The following TRIT1 variants were observed in gnomAD, a reference collection of about 807,000 sequenced individuals.
TRIT1 encodes the protein tRNA dimethylallyltransferase.
In TRIT1, 43 loss-of-function variants were observed where a neutral mutation model predicts 51.2. The observed-to-expected ratio is 0.84, with a 90% CI of 0.66 to 1.08. The LOEUF (loss-of-function observed/expected upper bound fraction) is 1.08, where lower values mean the gene tolerates loss of function less well. Among genes scored for constraint, TRIT1 ranks in the 50% least tolerant of loss-of-function variants. The pLI, the probability that TRIT1 is intolerant of heterozygous loss-of-function variation, is 0.00. For missense variants in TRIT1, 528 were observed against 578.4 expected (o/e 0.91, Z 0.89); for synonymous variants, 184 against 203.9 (o/e 0.90, Z 0.83).
intron 1 of TRIT1, among the ~76,000 whole-genome samples, chr1:39,865,906 AGAAAG>A (rs1643517813): frequency 6.6e-6 from 1 of 151,196 alleles, no homozygotes. Context: ...GAAAAGAAAA[AGAAAG>A]GAAGGAAGGG....
rs1341396039 is a variant in TRIT1 at position 39,841,055 on chromosome 1, G to A, written c.*689C>T. The stretch of plus-strand genomic sequence containing the variant: ...CTTTTTAAGGATCAAAGAGGCTCTT[G>A]TAAATTTTTTCTTTATTTAAACTTC... On this transcript the variant is annotated 3_prime_UTR_variant, in exon 11 of 11. Coordinates refer to ENST00000316891, the MANE Select transcript of TRIT1 (RefSeq NM_017646.6). 1 of 152,182 alleles carries A rather than the reference G, an allele frequency of 6.6e-6. No individual in the cohort carries two copies. The highest frequency in any genetic ancestry group is 1.5e-5 in the Non-Finnish European group (1 of 68,022). The allele number at this position is 152,182 out of a possible 1,614,324, so 9.4% of individuals were successfully genotyped here. A position where few individuals can be genotyped will look rare whatever the true frequency, so the allele number is the denominator to read the frequency against.
At position 39,862,832 on chromosome 1, in the gene TRIT1, C is replaced by A. The variant is rs543926497; in HGVS notation, c.175-5415G>T. On this transcript the variant is annotated intron_variant, in intron 1 of 10. Coordinates refer to ENST00000316891, the MANE Select transcript of TRIT1 (RefSeq NM_017646.6). ...TACAGTTTCAGCATCACTCTACCTA[C>A]AATCAGCCTGAATGCTGGGAAGAGC... is the stretch of plus-strand genomic sequence containing the variant. 4.5e-5 allele frequency: 44 copies of A among 985,434 alleles called. No individual in the cohort carries two copies. In the East Asian group the frequency reaches 3.5e-3, roughly 79 times the overall value. 61.0% of individuals were successfully genotyped at this position (985,434 alleles called of 1,614,324 possible).
At position 39,857,327 on chromosome 1, in the gene TRIT1, G is replaced by A. The variant is rs1393585931; in HGVS notation, c.265C>T (p.Leu89Phe). The A allele has an allele frequency of 2.5e-6, 4 of 1,613,916 alleles. No homozygotes were observed. The African/African-American group carries it at 5.3e-5, about 22-fold the overall frequency. ...TCCACCACTGTGTAATTGGTCACAAGAGGATCCACAAAGCTGATCATGTGG... is the reference window on the plus strand; with the variant it reads ...TCCACCACTGTGTAATTGGTCACAAAAGGATCCACAAAGCTGATCATGTGG... Reference protein sequence around the residue: ...RHHMISFVDPLVTNYTVVDFR... With the variant: ...RHHMISFVDPFVTNYTVVDFR... Residue 89 changes from leucine to phenylalanine, a missense_variant, in exon 2 of 11, where the codon CTT becomes TTT. Coordinates refer to ENST00000316891, the MANE Select transcript of TRIT1 (RefSeq NM_017646.6).
intron 8 of TRIT1, chr1:39,846,948 A>C (rs1185921462): frequency 3.1e-6 from 1 of 321,438 alleles, no homozygotes; most frequent in Non-Finnish European, 5.6e-6. Flanking sequence ...AACTCTCCAA[A>C]AAAGATGCTG....
intron 1 of TRIT1, among the ~76,000 whole-genome samples, chr1:39,870,458 A>G (rs1017377967): frequency 3.4e-5 from 5 of 148,198 alleles, no homozygotes; most frequent in African/African-American, 1.3e-4. Flanking sequence ...CTATTGTCCT[A>G]TGACCCTGCC....
chr1:39,874,659 C>G (rs1456032480), intron 1 of TRIT1, among the ~76,000 whole-genome samples: 4 of 151,632 alleles, frequency 2.6e-5, no homozygotes, highest in Non-Finnish European at 5.9e-5. Context: ...AAGCATGTCT[C>G]ATTTTTCTTT....
At chr1:39,862,531 G>T (rs1343899184) in intron 1 of TRIT1, among the ~76,000 whole-genome samples, 1 of 152,112 alleles carries the variant, frequency 6.6e-6, no homozygotes, top group Non-Finnish European at 1.5e-5. Context: ...TTAATTATGT[G>T]TTTTTATGGG....
intron 5 of TRIT1, among the ~76,000 whole-genome samples, 160 bp from the exon 6 acceptor site, chr1:39,848,257 C>A (rs948430265): frequency 1.3e-5 from 2 of 152,114 alleles, no homozygotes; most frequent in African/African-American, 4.8e-5. Flanking sequence ...ACGTTACTCA[C>A]ATTTAAGACT....
rs550596161 is a variant in TRIT1, at chr1:39,858,277, T to C, written c.175-860A>G. Among the ~76,000 whole-genome samples the C allele has an allele frequency of 9.8e-5, 15 of 152,312 alleles. No individual in the cohort carries two copies. In the South Asian group the frequency reaches 1.7e-3, roughly 17 times the overall value. On this transcript the variant is annotated intron_variant, in intron 1 of 10. Transcript: ENST00000316891. ...TTTTTATCTCACGTTTCCCTTTACT[T>C]ACACGGGTGTCAAATAAGTACAGTA...
chr1:39,854,894 T>G (rs1389263624), intron 2 of TRIT1, among the ~76,000 whole-genome samples: 1 of 151,536 alleles, frequency 6.6e-6, no homozygotes, highest in Non-Finnish European at 1.5e-5. Context: ...AAGACTGGAG[T>G]GTAGTGGCGC....
chr1:39,871,652 C>A (rs1314537551), intron 1 of TRIT1, among the ~76,000 whole-genome samples: 2 of 152,102 alleles, frequency 1.3e-5, no homozygotes, highest in Non-Finnish European at 2.9e-5. Flanking sequence ...TCAAAGGCTA[C>A]ATATTGTATG....
Position 39,844,098 on chromosome 1 carries a change from T to G in TRIT1, c.1234+3A>C, listed in dbSNP as rs369328584. ...TTTCTTCATGCCCCTCCCCATACTC[T>G]ACCTGCCCATTCGCGATCCCCAATG... On this transcript the variant is annotated splice_donor_region_variant and intron_variant, in intron 10 of 10. Transcript: ENST00000316891. 5.6e-6 allele frequency: 9 copies of G among 1,610,214 alleles called. No homozygotes were observed. The highest frequency in any genetic ancestry group is 7.6e-6 in the Non-Finnish European group (9 of 1,176,570).
intron 1 of TRIT1, among the ~76,000 whole-genome samples, chr1:39,864,579 CAG>C (rs1342080677): frequency 1.5e-5 from 2 of 132,930 alleles, no homozygotes; most frequent in African/African-American, 2.9e-5. Context: ...ACTGCACTGA[CAG>C]AGCGAGACTC....
chr1:39,883,278 C>T, intron 1 of TRIT1, 40 bp downstream of exon 1: 1 of 1,575,064 alleles, frequency 6.3e-7, no homozygotes, highest in Non-Finnish European at 8.6e-7. Flanking sequence ...CACGCGGCCT[C>T]CGGGGTCCCC....
chr1:39,858,282 G>A (rs1463199801), intron 1 of TRIT1, among the ~76,000 whole-genome samples: 6 of 152,104 alleles, frequency 3.9e-5, no homozygotes, highest in East Asian at 1.9e-4. Context: ...TTACTTACAC[G>A]GGTGTCAAAT....
At chr1:39,842,749 T>C (rs964528222) in intron 10 of TRIT1, among the ~76,000 whole-genome samples, 4 of 152,234 alleles carry the variant, frequency 2.6e-5, no homozygotes, top group Non-Finnish European at 5.9e-5. Flanking sequence ...AATTCTCTTT[T>C]ATACATATTA....
At chr1:39,870,129 A>T (rs907316498) in intron 1 of TRIT1, among the ~76,000 whole-genome samples, 3 of 152,218 alleles carry the variant, frequency 2.0e-5, no homozygotes, top group Non-Finnish European at 4.4e-5. Context: ...GTGTAGAAAG[A>T]AGTAGACATG....
intron 1 of TRIT1, among the ~76,000 whole-genome samples, chr1:39,859,527 G>A (rs1412008068): frequency 2.7e-5 from 4 of 150,876 alleles, no homozygotes; most frequent in Admixed American, 6.6e-5. Context: ...AGGCTGCAGC[G>A]AGCCGAGATC....
At chr1:39,854,100 G>A (rs998045980) in intron 2 of TRIT1, 32 bp from the exon 3 acceptor site, 8 of 1,470,006 alleles carry the variant, frequency 5.4e-6, no homozygotes, top group Non-Finnish European at 5.6e-6. Context: ...ACGATATCAA[G>A]AGAATCCTGA....
Sources: allele counts gnomAD v4.1 joint callset (sites outside exome capture counted in the v4.1 genomes callset), GRCh38; gene constraint gnomAD v4.1.1; transcripts MANE v1.5; gene names NCBI Gene and HGNC (gene_info 2026-07-23, HGNC 2026-07-21).